Variants in SOS2 observed in about 807,000 individuals in gnomAD.
The protein encoded by SOS2 is SOS Ras/Rho guanine nucleotide exchange factor 2.
A neutral mutation model predicts 148.2 loss-of-function variants in SOS2; 65 were observed. That is an observed-to-expected ratio of 0.44 (90% CI 0.36 to 0.54). The LOEUF is 0.54. Ranked by LOEUF, SOS2 falls within the 20% of genes least tolerant of loss-of-function variation. The pLI is 0.00. For missense variants in SOS2, 1,341 were observed against 1,590.2 expected (o/e 0.84, Z 2.67); for synonymous variants, 539 against 537.1 (o/e 1.00, Z -0.05).
intron 19 of SOS2, 58 bp from the exon 20 acceptor site, chr14:50,130,820 G>C (rs1883844310): frequency 1.4e-6 from 2 of 1,467,394 alleles, no homozygotes; most frequent in Non-Finnish European, 1.9e-6. Flanking sequence ...ATTTGTTTCT[G>C]TGACTTAGAG....
chr14:50,150,167 T>G lies in SOS2; in HGVS notation c.2225A>C (p.Gln742Pro). 1 of 1,613,620 alleles carries G rather than the reference T, an allele frequency of 6.2e-7. No individual in the cohort carries two copies. Residue 742 changes from glutamine (Q) to proline (P), a missense_variant, in exon 14 of 23, where the codon CAG becomes CCG. Physicochemically the swap from Gln to Pro is moderately conservative, Grantham distance 76. This residue lies in a region of SOS2 where 408 missense variants were observed against 506.6 expected (regional missense o/e 0.81). Coordinates refer to ENST00000216373, the MANE Select transcript of SOS2 (RefSeq NM_006939.4). ...AATATTATGGCTTACTCCGTTTGCC[T>G]GAGCTTGCTTCTTCCTCCTGATGAT... is the stretch of plus-strand genomic sequence containing the variant. ...AKIIRRKKQA[Q>P]ANGVSHNITF...
rs188763527 is a variant in SOS2 at position 50,210,110 on chromosome 14, G to A, written c.88-5701C>T. ...TAACAACAAAGTCATATGTCTGTAA[G>A]GAAGTACAAGGATTTGCTCCAATGG... On this transcript the variant is annotated intron_variant, in intron 1 of 22. Coordinates refer to ENST00000216373, the MANE Select transcript of SOS2 (RefSeq NM_006939.4). Among the ~76,000 whole-genome samples, 4 of 152,256 alleles carry A rather than the reference G, an allele frequency of 2.6e-5. No homozygotes were observed. The East Asian group carries it at 5.8e-4, about 22-fold the overall frequency.
rs1594958091 is a variant in SOS2, at chr14:50,129,570, A to G, written c.3379+391T>C. Among the ~76,000 whole-genome samples, 3 of 152,282 alleles carry G rather than the reference A, an allele frequency of 2.0e-5. No homozygotes were observed. The South Asian group carries it at 6.2e-4, about 32-fold the overall frequency. On this transcript the variant is annotated intron_variant, in intron 21 of 22. Transcript: ENST00000216373. The stretch of plus-strand genomic sequence containing the variant: ...CGGCTAATTTTTGTAATTTTTTAGT[A>G]GAGACAGAGTTTCACTATGTTGGCC...
intron 1 of SOS2, among the ~76,000 whole-genome samples, chr14:50,217,945 ACT>A (rs1887083223): frequency 6.6e-6 from 1 of 151,650 alleles, no homozygotes; most frequent in Non-Finnish European, 1.5e-5. Context: ...ACAGAGCGAG[ACT>A]CTGTCTCAAA....
At chr14:50,230,025 T>C (rs1004892964) in intron 1 of SOS2, among the ~76,000 whole-genome samples, 3 of 152,242 alleles carry the variant, frequency 2.0e-5, no homozygotes, top group Non-Finnish European at 4.4e-5. Context: ...TAGCTGCCAC[T>C]AGTCATTTCT....
At chr14:50,173,893 G>A (rs1885445305) in intron 8 of SOS2, among the ~76,000 whole-genome samples, 1 of 152,036 alleles carries the variant, frequency 6.6e-6, no homozygotes. Context: ...CTTATTAGAG[G>A]TCCTATCATT....
rs1028872177 is a variant in SOS2 at position 50,129,862 on chromosome 14, G to C, written c.3379+99C>G. 4 of 687,852 alleles carry C rather than the reference G, an allele frequency of 5.8e-6. No homozygotes were observed. The South Asian group carries it at 7.5e-5, about 13-fold the overall frequency. 42.6% of individuals were successfully genotyped at this position (687,852 alleles called of 1,614,324 possible). A position where few individuals can be genotyped will look rare whatever the true frequency, so the allele number is the denominator to read the frequency against. On this transcript the variant is annotated intron_variant, in intron 21 of 22. Coordinates refer to ENST00000216373, the MANE Select transcript of SOS2 (RefSeq NM_006939.4). ...ATTAAATTTATTTATAACTTTTCTT[G>C]TTCTTTAATATTGCCAAAACTCAAA...
At chr14:50,175,313 A>G (rs560132134) in intron 7 of SOS2, among the ~76,000 whole-genome samples, 3 of 151,870 alleles carry the variant, frequency 2.0e-5, no homozygotes, top group South Asian at 4.1e-4. Context: ...TAGATATGAC[A>G]TAACATAGAT....
At chr14:50,185,197 C>G (rs117611772) in intron 5 of SOS2, among the ~76,000 whole-genome samples, 3,161 of 152,266 alleles carry the variant, frequency 0.021, 73 homozygotes, top group Non-Finnish European at 0.026. Context: ...CTGGGACTTT[C>G]AATTGGCGCC....
intron 19 of SOS2, among the ~76,000 whole-genome samples, chr14:50,133,243 T>TTTTTC (rs1883956757): frequency 5.8e-5 from 1 of 17,384 alleles, no homozygotes; most frequent in African/African-American, 1.5e-4. Context: ...TTCTTTTTTC[T>TTTTTC]TTTTTCTTTT....
At chr14:50,121,172 C>T (rs939818478) in intron 21 of SOS2, among the ~76,000 whole-genome samples, 8 of 152,154 alleles carry the variant, frequency 5.3e-5, no homozygotes, top group African/African-American at 1.9e-4. Flanking sequence ...TGATAATGTA[C>T]ACGTTATATA....
intron 10 of SOS2, among the ~76,000 whole-genome samples, chr14:50,159,065 C>T (rs1462492819): frequency 6.6e-6 from 1 of 151,974 alleles, no homozygotes; most frequent in Non-Finnish European, 1.5e-5. Flanking sequence ...TTGCGGGCGC[C>T]TATAGTCCCA....
At position 50,188,716 on chromosome 14, in the gene SOS2, C is replaced by T; in HGVS notation, c.511-16G>A. On this transcript the variant is annotated splice_polypyrimidine_tract_variant and intron_variant, in intron 4 of 22. Coordinates refer to ENST00000216373, the MANE Select transcript of SOS2 (RefSeq NM_006939.4). ...CCATCAAAACCTGAGAAACAGAAAT[C>T]AATAATGTATAAATTTATTTTCTTT... 1 of 1,519,290 alleles carries T rather than the reference C, an allele frequency of 6.6e-7. No individual in the cohort carries two copies. Among genetic ancestry groups the T allele is most frequent in the Non-Finnish European group, 9.0e-7 (1 of 1,113,450 alleles). The allele number at this position is 1,519,290 out of a possible 1,614,324, so 94.1% of individuals were successfully genotyped here.
chr14:50,217,744 C>G (rs1407868603), intron 1 of SOS2, among the ~76,000 whole-genome samples: 1 of 150,786 alleles, frequency 6.6e-6, no homozygotes, highest in Non-Finnish European at 1.5e-5. Context: ...ATCACGAGGT[C>G]AGGAGATCAA....
intron 12 of SOS2, among the ~76,000 whole-genome samples, chr14:50,154,629 C>T (rs1328602017): frequency 6.6e-6 from 1 of 152,084 alleles, no homozygotes; most frequent in African/African-American, 2.4e-5. Flanking sequence ...TATAATAAAA[C>T]ACAACCTCGC....
At chr14:50,208,024 G>A (rs1014357422) in intron 1 of SOS2, among the ~76,000 whole-genome samples, 10 of 152,034 alleles carry the variant, frequency 6.6e-5, no homozygotes, top group South Asian at 6.2e-4. Flanking sequence ...GGCCCGGCAC[G>A]GAGGCTCACA....
chr14:50,218,492 C>T (rs1163621153), intron 1 of SOS2, among the ~76,000 whole-genome samples: 3 of 151,504 alleles, frequency 2.0e-5, no homozygotes, highest in African/African-American at 7.3e-5. Flanking sequence ...CACTGCACTC[C>T]AGCCTGGGCG....
chr14:50,224,612 AG>A (rs1887309067), intron 1 of SOS2, among the ~76,000 whole-genome samples: 1 of 152,088 alleles, frequency 6.6e-6, no homozygotes, highest in Non-Finnish European at 1.5e-5. Flanking sequence ...TTTGGCAGGC[AG>A]GTGGCTCACT....
At chr14:50,221,206 C>G (rs1346100629) in intron 1 of SOS2, among the ~76,000 whole-genome samples, 4 of 151,754 alleles carry the variant, frequency 2.6e-5, no homozygotes, top group Non-Finnish European at 4.4e-5. Context: ...ATTTTTTTTT[C>G]TAATTTATGG....
Sources: allele counts gnomAD v4.1 joint callset (sites outside exome capture counted in the v4.1 genomes callset), GRCh38; gene constraint gnomAD v4.1.1; regional missense constraint gnomAD v4.1.1; transcripts MANE v1.5; gene names NCBI Gene and HGNC (gene_info 2026-07-23, HGNC 2026-07-21).